Variants in SPNS3 observed in about 807,000 individuals in gnomAD.
SPNS3 encodes protein spinster homolog 3.
SPNS3 carries 51 observed loss-of-function variants against 54.4 expected under a neutral mutation model. The observed-to-expected ratio is 0.94, with a 90% confidence interval of 0.75 to 1.18. SPNS3 has a LOEUF of 1.18. Ranked by LOEUF, SPNS3 falls within the 50% of genes most tolerant of loss-of-function variation. The pLI is 0.00. For missense variants in SPNS3, 669 were observed against 677.4 expected, an observed-to-expected ratio of 0.99 and a Z score of 0.14; for synonymous variants, 309 against 294.7, an observed-to-expected ratio of 1.05 and a Z score of -0.50.
intron 9 of SPNS3, among the ~76,000 whole-genome samples, chr17:4,481,546 A>G (rs1972150667): frequency 6.6e-6 from 1 of 152,134 alleles, no homozygotes; most frequent in Non-Finnish European, 1.5e-5. Flanking sequence ...TGATAGGAAA[A>G]TGGGTGGAAA....
chr17:4,445,285 G>C, intron 3 of SPNS3, 117 bp downstream of exon 3: 1 of 1,104,150 alleles, frequency 9.1e-7, no homozygotes, highest in Admixed American at 2.6e-5. Context: ...GGCTGTGACT[G>C]GATCAGGGAT....
chr17:4,448,197 C>A lies in SPNS3; in HGVS notation c.664C>A (p.Leu222Met), dbSNP rs1971050816. 3.1e-6 allele frequency: 5 copies of A among 1,604,796 alleles called. No individual in the cohort carries two copies. The East Asian group carries it at 1.1e-4, about 36-fold the overall frequency. Residue 222 changes from leucine to methionine, a missense_variant, in exon 6 of 12, where the codon CTG becomes ATG. Physicochemically the swap from Leu to Met is conservative, Grantham distance 15. Transcript: ENST00000355530. ...GGCCGTGGCCTTGATCCTGCTTATCCTGCTGGTTCCAGACCCACCCCGGGG... is the reference window on the plus strand; with the variant it reads ...GGCCGTGGCCTTGATCCTGCTTATCATGCTGGTTCCAGACCCACCCCGGGG... ...LEAVALILLI[L>M]LVPDPPRGAA...
intron 8 of SPNS3, among the ~76,000 whole-genome samples, chr17:4,464,437 C>G (rs570657728): frequency 4.6e-5 from 7 of 152,258 alleles, no homozygotes; most frequent in African/African-American, 1.7e-4. Flanking sequence ...GGCTATCCCC[C>G]CTTAGGTGGG....
intron 8 of SPNS3, among the ~76,000 whole-genome samples, chr17:4,470,650 C>T (rs1216748422): frequency 2.0e-5 from 3 of 152,162 alleles, no homozygotes; most frequent in Non-Finnish European, 2.9e-5. Context: ...GCTGCTAAAT[C>T]TACTTTCTGT....
At chr17:4,438,707 C>T (rs780473719) in intron 1 of SPNS3, among the ~76,000 whole-genome samples, 12 of 152,338 alleles carry the variant, frequency 7.9e-5, no homozygotes, top group South Asian at 4.1e-4. Flanking sequence ...TGTGCATGAG[C>T]GAGGCCACTG....
rs570859779 is a variant in SPNS3, at chr17:4,458,525, C to T, written c.1113+5320C>T. Among the ~76,000 whole-genome samples the T allele has an allele frequency of 1.5e-3, 120 of 78,402 alleles. 16 individuals are homozygous for T. The highest frequency in any genetic ancestry group is 8.7e-4 in the Non-Finnish European group (25 of 28,892). The allele number at this position is 78,402 out of a possible 152,430, so 51.4% of individuals were successfully genotyped here. A position where few individuals can be genotyped will look rare whatever the true frequency, so the allele number is the denominator to read the frequency against. ...CTTTCTTCCCTTCCTCCCTCCCACC[C>T]GCCTTCCTTCCTTCCTTCCTTTCCT... On this transcript the variant is annotated intron_variant, in intron 8 of 11. Coordinates refer to ENST00000355530, the MANE Select transcript of SPNS3 (RefSeq NM_182538.5).
chr17:4,486,434 G>GGC lies in SPNS3; in HGVS notation c.1304_1305dup (p.Pro436AlafsTer32). On this transcript the variant is annotated frameshift_variant, in exon 11 of 12. Coordinates refer to ENST00000355530, the MANE Select transcript of SPNS3 (RefSeq NM_182538.5). LOFTEE classifies it high-confidence loss of function. This position sits in a 1 kb window ranked among gnomAD's most constrained non-coding sequence, Gnocchi z 5.5. ...CAGATCTCTAGTGTCCTGCGGGCCAGGCGCCCTGACTCCTATCTGCAGCGC... is the reference window on the plus strand; with the variant it reads ...CAGATCTCTAGTGTCCTGCGGGCCAGGCGCGCCCTGACTCCTATCTGCAGCGC... The GGC allele has an allele frequency of 6.2e-7, 1 of 1,609,056 alleles. No homozygotes were observed. The highest frequency in any genetic ancestry group is 8.5e-7 in the Non-Finnish European group (1 of 1,176,946).
At chr17:4,487,187 AAAAAG>A (rs1359763187) in intron 11 of SPNS3, among the ~76,000 whole-genome samples, 1 of 149,892 alleles carries the variant, frequency 6.7e-6, no homozygotes, top group Non-Finnish European at 1.5e-5. Context: ...AAAAAAAAAA[AAAAAG>A]GGACAGGTAG....
intron 8 of SPNS3, among the ~76,000 whole-genome samples, chr17:4,461,278 C>T (rs573139202): frequency 6.7e-6 from 1 of 149,152 alleles, no homozygotes; most frequent in Admixed American, 6.7e-5. Context: ...GTCTATCTTG[C>T]TGATTTTTTC....
chr17:4,448,216 C>T lies in SPNS3; in HGVS notation c.683C>T (p.Pro228Leu). 6.2e-7 allele frequency: 1 copy of T among 1,603,936 alleles called. No homozygotes were observed. Among genetic ancestry groups the T allele is most frequent in the Non-Finnish European group, 8.5e-7 (1 of 1,175,446 alleles). Residue 228 changes from proline (P) to leucine (L), a missense_variant, in exon 6 of 12, where the codon CCC (proline) becomes CTC (leucine). Pro to Leu is a moderately conservative substitution (Grantham distance 98, BLOSUM62 -3). Transcript: ENST00000355530. ...ILLILLVPDP[P>L]RGAAETQGEG... ...CTTATCCTGCTGGTTCCAGACCCAC[C>T]CCGGGGAGCTGCCGAGACACAGGGG...
At chr17:4,484,469 C>T (rs1366455270) in intron 9 of SPNS3, among the ~76,000 whole-genome samples, 7 of 152,054 alleles carry the variant, frequency 4.6e-5, no homozygotes, top group East Asian at 3.9e-4. Context: ...TATAGGCACG[C>T]GCCACCACAC....
chr17:4,468,005 TA>T (rs1300215645), intron 8 of SPNS3, among the ~76,000 whole-genome samples: 2 of 152,186 alleles, frequency 1.3e-5, no homozygotes, highest in African/African-American at 4.8e-5. Flanking sequence ...AAGCAAGGTA[TA>T]AGGCCACCCC....
At chr17:4,458,588 C>CCTTCCTTCCTTCCTTCCTTTCTTTCTTT (rs1413694695) in intron 8 of SPNS3, among the ~76,000 whole-genome samples, 1 of 59,258 alleles carries the variant, frequency 1.7e-5, no homozygotes, top group African/African-American at 6.1e-5. Context: ...TTCCTTCCCT[C>CCTTCCTTCCTTCCTTCCTTTCTTTCTTT]CTTTCTTTCT....
rs61995689 is a variant in SPNS3, at chr17:4,453,046, C to T, written c.954C>T (p.Thr318=). 2.1e-3 allele frequency: 3,391 copies of T among 1,613,872 alleles called. 51 individuals carry two copies. In the African/African-American group the frequency reaches 0.038, roughly 18 times the overall value. The change falls in exon 8 of 12, where the codon ACC becomes ACT. Residue 318 remains threonine, a synonymous_variant. Coordinates refer to ENST00000355530, the MANE Select transcript of SPNS3 (RefSeq NM_182538.5). ...TTTTTGGGGCACTGACCATCATGAC[C>T]GGCGTCATTGGGGTCATCTTGGGGG... ...SLIFGALTIM[T]GVIGVILGAE...
chr17:4,463,738 G>GAAA (rs113125706), intron 8 of SPNS3, among the ~76,000 whole-genome samples: 1 of 97,168 alleles, frequency 1.0e-5, no homozygotes, highest in Admixed American at 1.1e-4. Flanking sequence ...ACTCCATCTC[G>GAAA]AAAAAAAAAA....
intron 8 of SPNS3, among the ~76,000 whole-genome samples, chr17:4,455,760 C>G (rs1224914572): frequency 6.6e-6 from 1 of 152,192 alleles, no homozygotes; most frequent in Admixed American, 6.5e-5. Context: ...GCCCAGGGTC[C>G]ATTCTCCCCG....
chr17:4,447,917 T>C (rs1971040420), intron 5 of SPNS3, among the ~76,000 whole-genome samples: 1 of 152,128 alleles, frequency 6.6e-6, no homozygotes, highest in Non-Finnish European at 1.5e-5. Context: ...AGACGGGAAT[T>C]ACATGAAGTC....
Position 4,433,998 on chromosome 17 carries a change from G to A in SPNS3, c.31G>A (p.Glu11Lys), listed in dbSNP as rs781024122. The A allele has an allele frequency of 5.0e-6, 8 of 1,585,018 alleles. No homozygotes were observed. The highest frequency in any genetic ancestry group is 6.9e-6 in the Non-Finnish European group (8 of 1,164,876). Residue 11 changes from glutamate to lysine, a missense_variant, in exon 1 of 12, where the codon GAG becomes AAG. Glu to Lys is a moderately conservative substitution (Grantham distance 56, BLOSUM62 1). Transcript: ENST00000355530. ...TGGGGGGATGTCAGCGGAGTGCCCT[G>A]AGCCTGGGCCAGGAGGTCTGCAGGG... MAGGMSAECP[E>K]PGPGGLQGQS...
rs1195951026 is a variant in SPNS3, at chr17:4,486,359, G to A, written c.1278+33G>A. ...GTGTCTGCGTGTGTGGGGTGGGGAGGGTCTGGGGGCCAGGCTGGTGGGCCT... is the reference window on the plus strand; with the variant it reads ...GTGTCTGCGTGTGTGGGGTGGGGAGAGTCTGGGGGCCAGGCTGGTGGGCCT... On this transcript the variant is annotated intron_variant, in intron 10 of 11. Coordinates refer to ENST00000355530, the MANE Select transcript of SPNS3 (RefSeq NM_182538.5). The surrounding 1 kb of genome is among the most constrained non-coding windows in gnomAD (Gnocchi z 5.5). The A allele has an allele frequency of 1.3e-6, 2 of 1,598,954 alleles. No individual in the cohort carries two copies. Among genetic ancestry groups the A allele is most frequent in the Non-Finnish European group, 8.5e-7 (1 of 1,172,918 alleles).
Sources: gnomAD v4.1 joint callset for allele counts (sites outside exome capture counted in the v4.1 genomes callset) on GRCh38, gnomAD v4.1.1 for gene constraint, Gnocchi (gnomAD v3.1) non-coding constraint, MANE v1.5 for transcripts, NCBI Gene and HGNC (gene_info 2026-07-23, HGNC 2026-07-21) for gene names.